PCDHGB2: variants seen among roughly 807,000 people sequenced by gnomAD.
The protein encoded by PCDHGB2 is protocadherin gamma subfamily B, 2, also known as protocadherin gamma-B2.
In PCDHGB2, 55 loss-of-function variants were observed where a neutral mutation model predicts 59.3. The observed-to-expected ratio is 0.93, with a 90% confidence interval of 0.75 to 1.16. PCDHGB2 has a LOEUF of 1.16. Among genes scored for constraint, PCDHGB2 ranks in the 50% most tolerant of loss-of-function variants. The pLI, the probability that PCDHGB2 is intolerant of heterozygous loss-of-function variation, is 0.00. For missense variants in PCDHGB2, 1,228 were observed against 1,198.5 expected (o/e 1.02, Z -0.36); for synonymous variants, 516 against 512.0 (o/e 1.01, Z -0.11).
chr5:141,421,860 C>T (rs759779291), intron 1 of PCDHGB2: 1 of 1,613,750 alleles, frequency 6.2e-7, no homozygotes. Flanking sequence ...CTCACCTGCT[C>T]CTCCTCACAG....
At chr5:141,401,296 C>A (rs2094138441) in intron 1 of PCDHGB2, among the ~76,000 whole-genome samples, 1 of 152,104 alleles carries the variant, frequency 6.6e-6, no homozygotes, top group Non-Finnish European at 1.5e-5. Flanking sequence ...GAGCCGAGAT[C>A]ACTCCATTGC....
chr5:141,405,967 G>C (rs76683972), intron 1 of PCDHGB2, among the ~76,000 whole-genome samples: 1 of 151,968 alleles, frequency 6.6e-6, no homozygotes, highest in Non-Finnish European at 1.5e-5. Context: ...TGCTGTCAAC[G>C]TAAACCATAC....
intron 1 of PCDHGB2, among the ~76,000 whole-genome samples, chr5:141,380,766 T>C (rs1403335185): frequency 1.3e-5 from 2 of 152,224 alleles, no homozygotes; most frequent in Admixed American, 1.3e-4. Context: ...TATAAATTAA[T>C]TGAGACTTTT....
intron 1 of PCDHGB2, chr5:141,423,386 G>T: frequency 6.2e-7 from 1 of 1,614,160 alleles, no homozygotes; most frequent in Middle Eastern, 1.7e-4. Flanking sequence ...CTGTGGCGCT[G>T]GCATAAGTCA....
At chr5:141,394,923 T>G in intron 1 of PCDHGB2, 2 of 1,613,816 alleles carry the variant, frequency 1.2e-6, no homozygotes, top group Non-Finnish European at 8.5e-7. Context: ...CTCCTGTGTC[T>G]TCCTCGCCTT....
At chr5:141,460,926 G>A (rs1180507724) in intron 1 of PCDHGB2, among the ~76,000 whole-genome samples, 4 of 145,540 alleles carry the variant, frequency 2.7e-5, no homozygotes, top group African/African-American at 2.6e-5. Flanking sequence ...ATATATATAT[G>A]TGTGTGTGTA....
rs2099747616 is a variant in PCDHGB2 at position 141,493,318 on chromosome 5, TA to T, written c.2422-1487del. 6.6e-6 allele frequency among the ~76,000 whole-genome samples: 1 copy of T among 152,234 alleles called. No homozygotes were observed. Among genetic ancestry groups the T allele is most frequent in the South Asian group, 2.1e-4 (1 of 4,828 alleles). On this transcript the variant is annotated intron_variant, in intron 1 of 3. Coordinates refer to ENST00000522605, the MANE Select transcript of PCDHGB2 (RefSeq NM_018923.3). This position sits in a 1 kb window ranked among gnomAD's most constrained non-coding sequence, Gnocchi z 4.3. ...TTCACAGAGCAAGTAAGAGAGATTC[TA>T]ACCCCTGTCTAACTCCAGAATGTGT...
At chr5:141,509,573 C>G (rs372901649) in intron 3 of PCDHGB2, among the ~76,000 whole-genome samples, 4 of 152,164 alleles carry the variant, frequency 2.6e-5, no homozygotes, top group Admixed American at 2.6e-4. Context: ...CTTCACAGTG[C>G]GTACAAATCA....
At chr5:141,413,775 G>T in intron 1 of PCDHGB2, 1 of 1,612,878 alleles carries the variant, frequency 6.2e-7, no homozygotes, top group South Asian at 1.1e-5. Context: ...AGCTGGTACT[G>T]GAGCACTCCC....
At chr5:141,499,013 GA>G (rs2099788463) in intron 2 of PCDHGB2, among the ~76,000 whole-genome samples, 1 of 144,746 alleles carries the variant, frequency 6.9e-6, no homozygotes, top group Non-Finnish European at 1.5e-5. Context: ...AGGAAGGAAG[GA>G]AGGAAGGAAG....
At position 141,496,642 on chromosome 5, in the gene PCDHGB2, G is replaced by C. The variant is rs1053400475; in HGVS notation, c.2480+1777G>C. Among the ~76,000 whole-genome samples the C allele has an allele frequency of 6.6e-5, 10 of 152,318 alleles. No individual in the cohort carries two copies. In the East Asian group the frequency reaches 1.5e-3, roughly 24 times the overall value. ...AGATCAAAAGGCTTGGGCTGCCCTT[G>C]CCCTTCCTTTGACCCCAGCTGTTGT... On this transcript the variant is annotated intron_variant, in intron 2 of 3. Transcript: ENST00000522605.
chr5:141,459,595 T>C (rs904266180), intron 1 of PCDHGB2, among the ~76,000 whole-genome samples: 10 of 152,232 alleles, frequency 6.6e-5, no homozygotes, highest in African/African-American at 9.6e-5. Context: ...TCATATGAAA[T>C]GGGAAGTATA....
chr5:141,365,027 C>G, intron 1 of PCDHGB2: 1 of 1,613,896 alleles, frequency 6.2e-7, no homozygotes, highest in Non-Finnish European at 8.5e-7. Flanking sequence ...TGTTACGGTC[C>G]TCGACGCAAA....
intron 1 of PCDHGB2, chr5:141,426,876 C>G (rs796453479): frequency 2.2e-6 from 1 of 456,726 alleles, no homozygotes; most frequent in Admixed American, 2.3e-5. Flanking sequence ...GGAGAAGCCC[C>G]TGGGCCAGGA....
rs1201654822 is a variant in PCDHGB2, at chr5:141,476,876, C to T, written c.2422-17931C>T. ...CCAGTCCTTGTACCGGGCGCGCGTC[C>T]TGGAGGATGCACCCTCCGGCACGCG... On this transcript the variant is annotated intron_variant, in intron 1 of 3. Transcript: ENST00000522605. The surrounding 1 kb of genome is among the most constrained non-coding windows in gnomAD (Gnocchi z 7.6). 6.2e-7 allele frequency: 1 copy of T among 1,613,876 alleles called. No homozygotes were observed. The highest frequency in any genetic ancestry group is 1.7e-5 in the Admixed American group (1 of 60,018).
chr5:141,480,152 C>G (rs2099513323), intron 1 of PCDHGB2, among the ~76,000 whole-genome samples: 1 of 151,928 alleles, frequency 6.6e-6, no homozygotes, highest in African/African-American at 2.4e-5. Context: ...TAGCCAGCTC[C>G]TAGCATTTTG....
At position 141,362,194 on chromosome 5, in the gene PCDHGB2, A is replaced by G. The variant is rs57735633; in HGVS notation, c.2059A>G (p.Lys687Glu). ...DRREPSDPQA[K>E]LQFYLVVALA... Reference sequence around the variant, plus strand: ...CCGGGAGCCCTCTGACCCCCAGGCAAAACTGCAGTTTTACCTGGTTGTGGC... The same window carrying G: ...CCGGGAGCCCTCTGACCCCCAGGCAGAACTGCAGTTTTACCTGGTTGTGGC... Residue 687 changes from lysine to glutamate, a missense_variant, in exon 1 of 4, where the codon AAA (lysine) becomes GAA (glutamate). Physicochemically the swap from Lys to Glu is moderately conservative, Grantham distance 56. This residue lies in a region of PCDHGB2 where 433 missense variants were observed against 441.8 expected (regional missense o/e 0.98). Transcript: ENST00000522605. 152,892 of 1,613,780 alleles carry G rather than the reference A, an allele frequency of 0.095. 8,939 individuals are homozygous for G. Among genetic ancestry groups the G allele is most frequent in the African/African-American group, 0.29 (21,446 of 74,936 alleles).
chr5:141,365,324 A>T, intron 1 of PCDHGB2: 1 of 1,613,936 alleles, frequency 6.2e-7, no homozygotes, highest in Non-Finnish European at 8.5e-7. Context: ...TGCCAGCGCT[A>T]AGGTGGTGGT....
chr5:141,445,276 C>T (rs761058385), intron 1 of PCDHGB2, among the ~76,000 whole-genome samples: 1 of 152,218 alleles, frequency 6.6e-6, no homozygotes, highest in Non-Finnish European at 1.5e-5. Flanking sequence ...AACCACTCTG[C>T]ATAAGTTCAG....
Sources: allele counts gnomAD v4.1 joint callset (sites outside exome capture counted in the v4.1 genomes callset), GRCh38; gene constraint gnomAD v4.1.1; regional missense constraint gnomAD v4.1.1; non-coding constraint Gnocchi (gnomAD v3.1); transcripts MANE v1.5; gene names NCBI Gene and HGNC (gene_info 2026-07-23, HGNC 2026-07-21).